The following ARID1B variants were observed in gnomAD, a reference collection of about 807,000 sequenced individuals.
The protein encoded by ARID1B is AT-rich interaction domain 1B.
In ARID1B, 30 loss-of-function variants were observed where a neutral mutation model predicts 212.3. The ratio of observed to expected loss-of-function variants is 0.14; its 90% CI spans 0.11 to 0.19. The LOEUF (loss-of-function observed/expected upper bound fraction) is 0.19. Among genes scored for constraint, ARID1B ranks in the 10% least tolerant of loss-of-function variants. The pLI is 1.00. For missense variants in ARID1B, 2,891 were observed against 3,204.0 expected, an observed-to-expected ratio of 0.90 and a Z score of 2.36; for synonymous variants, 1,402 against 1,301.7, an observed-to-expected ratio of 1.08 and a Z score of -1.66.
Position 156,797,168 on chromosome 6 carries a change from T to TG in ARID1B, c.1791+17697_1791+17698insG, listed in dbSNP as rs565547405. ...CAGTGCCTGCTGTGTGGCAGAGTGT[T>TG]CTAGGGGCTGGGGATACCACAGTGA... is the stretch of plus-strand genomic sequence containing the variant. On this transcript the variant is annotated intron_variant, in intron 1 of 19. Coordinates refer to ENST00000636930, the MANE Select transcript of ARID1B (RefSeq NM_001374828.1). Among the ~76,000 whole-genome samples the TG allele has an allele frequency of 2.9e-3, 437 of 152,228 alleles. 4 individuals carry two copies. The highest frequency in any genetic ancestry group is 9.7e-3 in the African/African-American group (402 of 41,530).
At chr6:156,839,292 G>A (rs1583138347) in intron 2 of ARID1B, among the ~76,000 whole-genome samples, 2 of 152,182 alleles carry the variant, frequency 1.3e-5, no homozygotes, top group African/African-American at 2.4e-5. Flanking sequence ...GCTTCACAAC[G>A]TGGTGGAAGG....
intron 4 of ARID1B, among the ~76,000 whole-genome samples, chr6:157,057,118 T>C (rs1020368327): frequency 6.6e-6 from 1 of 151,742 alleles, no homozygotes; most frequent in Admixed American, 6.6e-5. Context: ...TGTCTCAGCC[T>C]CCCGAGTAGC....
chr6:157,122,651 C>T (rs778991568), intron 6 of ARID1B, among the ~76,000 whole-genome samples: 12 of 152,262 alleles, frequency 7.9e-5, no homozygotes, highest in East Asian at 1.9e-4. Context: ...CAGGGTCCTG[C>T]GTGCTCTAAC....
In ARID1B at chr6:157,200,671, A is replaced by C. The variant is rs1355012127; in HGVS notation, c.4480-34A>C. 1 of 1,561,028 alleles carries C rather than the reference A, an allele frequency of 6.4e-7. No homozygotes were observed. Among genetic ancestry groups the C allele is most frequent in the Non-Finnish European group, 8.7e-7 (1 of 1,154,502 alleles). On this transcript the variant is annotated intron_variant, in intron 17 of 19. Coordinates refer to ENST00000636930, the MANE Select transcript of ARID1B (RefSeq NM_001374828.1). This position sits in a 1 kb window ranked among gnomAD's most constrained non-coding sequence, Gnocchi z 4.3. ...AGTGTGTGATTATACCTGTAAGAGC[A>C]CATCAGGATGATTTGTCTTTCTGTG... is the stretch of plus-strand genomic sequence containing the variant.
chr6:156,834,499 G>A (rs951696296), intron 2 of ARID1B, among the ~76,000 whole-genome samples: 1 of 152,088 alleles, frequency 6.6e-6, no homozygotes, highest in Non-Finnish European at 1.5e-5. Context: ...TGTGACAATG[G>A]CATTCTTGTG....
chr6:157,020,756 C>T (rs532000077), intron 4 of ARID1B, among the ~76,000 whole-genome samples: 4 of 152,164 alleles, frequency 2.6e-5, no homozygotes, highest in Non-Finnish European at 5.9e-5. Context: ...GTTACCTCTC[C>T]CCTTATATAA....
chr6:156,998,138 G>A (rs1378896396), intron 4 of ARID1B, among the ~76,000 whole-genome samples: 2 of 151,896 alleles, frequency 1.3e-5, no homozygotes, highest in Admixed American at 6.6e-5. Flanking sequence ...GAAGATGTTC[G>A]TGATATGACA....
rs750032487 is a variant in ARID1B, at chr6:157,167,181, G to A, written c.3231G>A (p.Ser1077=). 1.7e-5 allele frequency: 27 copies of A among 1,605,848 alleles called. No homozygotes were observed. Among genetic ancestry groups the A allele is most frequent in the Middle Eastern group, 1.6e-4 (1 of 6,076 alleles). ...TGGCGCCCGCCATGGTGAACAGCTC[G>A]GCAGGTAACCTTGGCAGCTCTGCGC... is the stretch of plus-strand genomic sequence containing the variant. The part of the protein sequence containing the change: ...YSMAPAMVNS[S]AASVGLADMM... The change falls in exon 9 of 20, where the codon TCG becomes TCA. Residue 1077 remains serine (S), a synonymous_variant. Coordinates refer to ENST00000636930, the MANE Select transcript of ARID1B (RefSeq NM_001374828.1).
intron 8 of ARID1B, among the ~76,000 whole-genome samples, chr6:157,156,681 C>T (rs1790595909): frequency 6.6e-6 from 1 of 152,174 alleles, no homozygotes. Flanking sequence ...GCTGTACACC[C>T]TCACCCAGCC....
chr6:157,122,254 A>G (rs1787775409), intron 6 of ARID1B, among the ~76,000 whole-genome samples: 6 of 152,180 alleles, frequency 3.9e-5, no homozygotes, highest in Admixed American at 3.9e-4. Context: ...TCCTAGACTT[A>G]CGCGAACACT....
intron 5 of ARID1B, chr6:157,107,881 T>C (rs1210171858): frequency 1.3e-5 from 2 of 152,226 alleles, no homozygotes; most frequent in East Asian, 3.8e-4. Context: ...TGAAGGTGTT[T>C]ATTGAATTCG....
intron 4 of ARID1B, among the ~76,000 whole-genome samples, chr6:156,984,172 C>G (rs1168165612): frequency 2.0e-5 from 3 of 152,106 alleles, no homozygotes; most frequent in African/African-American, 7.2e-5. Context: ...GGTATCAGGA[C>G]AAACCTTGGA....
At chr6:157,117,878 A>G (rs548948050) in intron 6 of ARID1B, among the ~76,000 whole-genome samples, 9 of 152,306 alleles carry the variant, frequency 5.9e-5, no homozygotes, top group African/African-American at 1.7e-4. Context: ...TGTTCTTCCC[A>G]GATGCATTTC....
chr6:156,897,264 C>CTTCTTATTATTA (rs71027320), intron 2 of ARID1B, among the ~76,000 whole-genome samples: 1,100 of 83,516 alleles, frequency 0.013, 13 homozygotes, highest in East Asian at 0.018. Flanking sequence ...TCTTCTTCTT[C>CTTCTTATTATTA]TTATTATTAT....
At chr6:156,871,938 T>C (rs1435223856) in intron 2 of ARID1B, among the ~76,000 whole-genome samples, 1 of 152,264 alleles carries the variant, frequency 6.6e-6, no homozygotes, top group African/African-American at 2.4e-5. Context: ...TATGTATACT[T>C]AATTGAAGAC....
At chr6:156,813,031 CATAT>C (rs11372443) in intron 1 of ARID1B, among the ~76,000 whole-genome samples, 5 of 71,690 alleles carry the variant, frequency 7.0e-5, no homozygotes, top group Non-Finnish European at 1.4e-4. Context: ...TATGTATATA[CATAT>C]ATATATACAC....
Position 156,898,427 on chromosome 6 carries a change from C to T in ARID1B, c.1987-2949C>T, listed in dbSNP as rs144639638. ...GGTTCAGGTGGGGGTTGAGCTTGAG[C>T]GGTGAGCAGTGCCAGAATGCCCTGA... On this transcript the variant is annotated intron_variant, in intron 2 of 19. Coordinates refer to ENST00000636930, the MANE Select transcript of ARID1B (RefSeq NM_001374828.1). Among the ~76,000 whole-genome samples, 433 of 152,144 alleles carry T rather than the reference C, an allele frequency of 2.8e-3. 3 individuals carry two copies. Among genetic ancestry groups the T allele is most frequent in the African/African-American group, 9.8e-3 (405 of 41,506 alleles).
At chr6:156,859,553 A>C (rs1259032447) in intron 2 of ARID1B, among the ~76,000 whole-genome samples, 2 of 152,172 alleles carry the variant, frequency 1.3e-5, no homozygotes, top group Non-Finnish European at 2.9e-5. Flanking sequence ...TCTAGTGTTT[A>C]CAGGTGTGCT....
chr6:157,157,648 A>G (rs1051167399), intron 8 of ARID1B, among the ~76,000 whole-genome samples: 1 of 152,098 alleles, frequency 6.6e-6, no homozygotes, highest in East Asian at 1.9e-4. Flanking sequence ...ATGAGAAGCA[A>G]CTCACTAAGA....
Sources: gnomAD v4.1 joint callset for allele counts (sites outside exome capture counted in the v4.1 genomes callset) on GRCh38, gnomAD v4.1.1 for gene constraint, Gnocchi (gnomAD v3.1) non-coding constraint, MANE v1.5 for transcripts, NCBI Gene and HGNC (gene_info 2026-07-23, HGNC 2026-07-21) for gene names.